PRKCZ: variants seen among roughly 807,000 people sequenced by gnomAD.
The protein encoded by PRKCZ is protein kinase C zeta.
PRKCZ carries 33 observed loss-of-function variants against 79.5 expected under a neutral mutation model. The observed-to-expected ratio is 0.41, with a 90% CI of 0.31 to 0.55. The LOEUF is 0.55. Among genes scored for constraint, PRKCZ ranks in the 20% least tolerant of loss-of-function variants. PRKCZ has a pLI of 0.19. For missense variants in PRKCZ, 578 were observed against 813.5 expected (o/e 0.71, Z 3.52); for synonymous variants, 342 against 320.9 (o/e 1.07, Z -0.70).
chr1:2,146,629 C>T (rs1171536419), intron 7 of PRKCZ, among the ~76,000 whole-genome samples: 1 of 152,176 alleles, frequency 6.6e-6, no homozygotes, highest in Non-Finnish European at 1.5e-5. Flanking sequence ...TCTCAAACAC[C>T]AGTTGGACTT....
intron 4 of PRKCZ, among the ~76,000 whole-genome samples, chr1:2,120,799 C>T (rs1671735576): frequency 6.7e-6 from 1 of 149,838 alleles, no homozygotes; most frequent in Non-Finnish European, 1.5e-5. Flanking sequence ...TTATTAATTT[C>T]AGTCACTTCA....
intron 1 of PRKCZ, among the ~76,000 whole-genome samples, chr1:2,054,325 T>C (rs1659955878): frequency 6.6e-6 from 1 of 152,008 alleles, no homozygotes; most frequent in South Asian, 2.1e-4. Context: ...TTCACAAGGG[T>C]GTGATTCCCG....
At chr1:2,088,301 G>T (rs913495112) in intron 4 of PRKCZ, among the ~76,000 whole-genome samples, 2 of 152,048 alleles carry the variant, frequency 1.3e-5, no homozygotes, top group African/African-American at 2.4e-5. Flanking sequence ...TGCGCCCCAT[G>T]GGGTCTGCAC....
chr1:2,077,334 C>T (rs1277335166), intron 4 of PRKCZ, among the ~76,000 whole-genome samples: 9 of 152,140 alleles, frequency 5.9e-5, no homozygotes, highest in Admixed American at 2.0e-4. Flanking sequence ...AAGATTCAAC[C>T]GACTGCAAGA....
chr1:2,175,235 G>A lies in PRKCZ; in HGVS notation c.1497G>A (p.Glu499=). ...LKGFLNKDPK[E]RLGCRPQTGF... ...ACTCTGACCTCCAGGACCCCAAAGA[G>A]AGGCTCGGCTGCCGGCCACAGACTG... The change falls in exon 16 of 18, where the codon GAG becomes GAA. Residue 499 remains glutamate, a synonymous_variant. Transcript: ENST00000378567. 6.2e-7 allele frequency: 1 copy of A among 1,613,814 alleles called. No homozygotes were observed. The highest frequency in any genetic ancestry group is 8.5e-7 in the Non-Finnish European group (1 of 1,179,908).
In PRKCZ at chr1:2,172,222, C is replaced by G; in HGVS notation, c.1197+32C>G. ...GCCTTGGACCGCCTCCCCTGACCAT[C>G]CCGCATGTGCGTCTCGGGGCGCCTG... On this transcript the variant is annotated intron_variant, in intron 12 of 17. Transcript: ENST00000378567. The surrounding 1 kb of genome is among the most constrained non-coding windows in gnomAD (Gnocchi z 7.8). The G allele has an allele frequency of 6.2e-7, 1 of 1,613,524 alleles. No individual in the cohort carries two copies. Among genetic ancestry groups the G allele is most frequent in the South Asian group, 1.1e-5 (1 of 91,090 alleles).
At chr1:2,140,133 G>A (rs141437290) in intron 5 of PRKCZ, among the ~76,000 whole-genome samples, 17 of 152,324 alleles carry the variant, frequency 1.1e-4, no homozygotes, top group Admixed American at 2.6e-4. Flanking sequence ...TCCAAGCAGT[G>A]CCCTCAGGTG....
chr1:2,069,922 C>T (rs143423069), intron 4 of PRKCZ, among the ~76,000 whole-genome samples: 57 of 152,288 alleles, frequency 3.7e-4, no homozygotes, highest in African/African-American at 1.3e-3. Flanking sequence ...GCCCCATTGG[C>T]CTCCCTGTGG....
Position 2,178,373 on chromosome 1 carries a change from C to T in PRKCZ, c.1575+3060C>T, listed in dbSNP as rs560204761. 9.2e-5 allele frequency among the ~76,000 whole-genome samples: 14 copies of T among 152,362 alleles called. No individual in the cohort carries two copies. The highest frequency in any genetic ancestry group is 1.6e-4 in the Non-Finnish European group (11 of 68,032). The stretch of plus-strand genomic sequence containing the variant: ...CAGTAGCACGTGGCACTGCCTCCTT[C>T]CTGCGCTGAACCCCACCCACTGCGT... On this transcript the variant is annotated intron_variant, in intron 16 of 17. Transcript: ENST00000378567. This position sits in a 1 kb window ranked among gnomAD's most constrained non-coding sequence, Gnocchi z 4.3.
chr1:2,110,442 C>T (rs1183206195), intron 4 of PRKCZ, among the ~76,000 whole-genome samples: 1 of 151,892 alleles, frequency 6.6e-6, no homozygotes, highest in Non-Finnish European at 1.5e-5. Flanking sequence ...AGCCCCGTGG[C>T]TCCTGGGTCG....
chr1:2,106,823 G>A (rs558703912), intron 4 of PRKCZ, among the ~76,000 whole-genome samples: 4 of 120,170 alleles, frequency 3.3e-5, no homozygotes, highest in African/African-American at 1.2e-4. Context: ...CCTCTGGTGG[G>A]CGAGGACCTC....
chr1:2,133,180 T>A (rs1271677185), intron 4 of PRKCZ, among the ~76,000 whole-genome samples: 1 of 152,192 alleles, frequency 6.6e-6, no homozygotes, highest in Admixed American at 6.5e-5. Flanking sequence ...GGGTGGGTCC[T>A]GTGTGTCCCC....
intron 4 of PRKCZ, among the ~76,000 whole-genome samples, chr1:2,115,309 T>G (rs1243676704): frequency 6.6e-6 from 1 of 152,286 alleles, no homozygotes; most frequent in Non-Finnish European, 1.5e-5. Context: ...GGGTCCCGGC[T>G]TTTGGCCACA....
intron 6 of PRKCZ, among the ~76,000 whole-genome samples, chr1:2,145,788 C>T (rs971408167): frequency 6.6e-6 from 1 of 152,080 alleles, no homozygotes; most frequent in African/African-American, 2.4e-5. Context: ...TGGTGGTGCG[C>T]ACCTGTAGTG....
intron 9 of PRKCZ, among the ~76,000 whole-genome samples, chr1:2,151,255 C>G (rs540208629): frequency 6.6e-6 from 1 of 152,378 alleles, no homozygotes; most frequent in Admixed American, 6.5e-5. Flanking sequence ...GCAGCTCCTG[C>G]TCCCAGGCTG....
intron 4 of PRKCZ, among the ~76,000 whole-genome samples, chr1:2,097,061 TC>T (rs1232979433): frequency 6.6e-6 from 1 of 152,202 alleles, no homozygotes; most frequent in Non-Finnish European, 1.5e-5. Flanking sequence ...GGCCACAGAC[TC>T]CGACTCCATT....
chr1:2,112,503 G>C (rs991952520), intron 4 of PRKCZ, among the ~76,000 whole-genome samples: 5 of 152,236 alleles, frequency 3.3e-5, no homozygotes, highest in African/African-American at 1.2e-4. Context: ...CCATGCTGAG[G>C]TCCCGGCATG....
intron 4 of PRKCZ, among the ~76,000 whole-genome samples, chr1:2,099,970 A>T (rs1667175850): frequency 6.6e-6 from 1 of 152,172 alleles, no homozygotes; most frequent in African/African-American, 2.4e-5. Flanking sequence ...TGCGTCTGTT[A>T]GGGGTGACCT....
At chr1:2,184,018 G>A in intron 16 of PRKCZ, 1 of 153,382 alleles carries the variant, frequency 6.5e-6, no homozygotes, top group East Asian at 1.9e-4. Flanking sequence ...CCTGTGCCAG[G>A]CACCAGCGTT....
Sources: allele counts gnomAD v4.1 joint callset (sites outside exome capture counted in the v4.1 genomes callset), GRCh38; gene constraint gnomAD v4.1.1; non-coding constraint Gnocchi (gnomAD v3.1); transcripts MANE v1.5; gene names NCBI Gene and HGNC (gene_info 2026-07-23, HGNC 2026-07-21).